RANBP17: variants seen among roughly 807,000 people sequenced by gnomAD.
The protein encoded by RANBP17 is RAN binding protein 17, also known as ran-binding protein 17.
A neutral mutation model predicts 141.2 loss-of-function variants in RANBP17; 158 were observed. The observed-to-expected ratio is 1.12, with a 90% CI of 0.98 to 1.28. RANBP17 has a LOEUF of 1.28. RANBP17 is among the 50% of genes most tolerant of loss of function. The pLI is 0.00. For synonymous variants in RANBP17, 430 were observed against 450.0 expected (o/e 0.96, Z 0.56); for missense variants, 1,438 against 1,290.7 (o/e 1.11, Z -1.75).
chr5:171,116,934 G>T (rs1330905144), intron 14 of RANBP17, among the ~76,000 whole-genome samples: 2 of 152,088 alleles, frequency 1.3e-5, no homozygotes, highest in African/African-American at 4.8e-5. Flanking sequence ...TTCTGTTTGG[G>T]CTTATTCCAC....
At chr5:171,156,273 A>C (rs1211533515) in intron 14 of RANBP17, among the ~76,000 whole-genome samples, 1 of 152,126 alleles carries the variant, frequency 6.6e-6, no homozygotes, top group Non-Finnish European at 1.5e-5. Flanking sequence ...AACTGCTAAA[A>C]TTATGATTTT....
At chr5:170,897,192 A>G in intron 5 of RANBP17, 1 of 723,012 alleles carries the variant, frequency 1.4e-6, no homozygotes, top group Non-Finnish European at 2.5e-6. Context: ...TCCGGAAATA[A>G]TTGGGCTGTG....
At chr5:171,101,122 G>A (rs570808938) in intron 14 of RANBP17, among the ~76,000 whole-genome samples, 3 of 152,300 alleles carry the variant, frequency 2.0e-5, no homozygotes, top group Admixed American at 2.0e-4. Flanking sequence ...AGGTCTGCAT[G>A]GTCCAGAGCT....
intron 14 of RANBP17, among the ~76,000 whole-genome samples, chr5:171,111,458 T>C (rs1755224958): frequency 6.6e-6 from 1 of 152,182 alleles, no homozygotes; most frequent in African/African-American, 2.4e-5. Context: ...ATCTACCTCT[T>C]AATGGGTTCC....
Position 170,886,790 on chromosome 5 carries a change from A to G in RANBP17, c.256+4894A>G, listed in dbSNP as rs1271229724. Among the ~76,000 whole-genome samples the G allele has an allele frequency of 4.0e-5, 6 of 150,192 alleles. No homozygotes were observed. The Admixed American group carries it at 4.0e-4, about 10-fold the overall frequency. On this transcript the variant is annotated intron_variant, in intron 3 of 27. Coordinates refer to ENST00000523189, the MANE Select transcript of RANBP17 (RefSeq NM_022897.5). ...ATCCTCCCACCTCAGCCTCCCAAGT[A>G]GTTGGGACTACAGATGTGACTACCA...
At position 171,241,123 on chromosome 5, in the gene RANBP17, T is replaced by C; in HGVS notation, c.2618T>C (p.Val873Ala). Residue 873 changes from valine to alanine, a missense_variant, in exon 23 of 28, where the codon GTG (valine) becomes GCG (alanine). Val to Ala is a moderately conservative substitution (Grantham distance 64). Transcript: ENST00000523189. ...GCTTTTGTCAAAATGCTGCTGTCAGTGTCCCACAGTGACTTGCTAGTAAGC... is the reference window on the plus strand; with the variant it reads ...GCTTTTGTCAAAATGCTGCTGTCAGCGTCCCACAGTGACTTGCTAGTAAGC... ...LQAFVKMLLS[V>A]SHSDLLQYRK... The C allele has an allele frequency of 6.2e-7, 1 of 1,613,004 alleles. No individual in the cohort carries two copies. Among genetic ancestry groups the C allele is most frequent in the Admixed American group, 1.7e-5 (1 of 59,974 alleles).
chr5:171,130,467 G>A (rs1326499921), intron 14 of RANBP17, among the ~76,000 whole-genome samples: 3 of 72,064 alleles, frequency 4.2e-5, no homozygotes, highest in African/African-American at 4.8e-5. Flanking sequence ...ACGGAGTTTC[G>A]CTCTTCTTGC....
At chr5:171,252,484 C>G in intron 24 of RANBP17, 2 of 1,452,972 alleles carry the variant, frequency 1.4e-6, no homozygotes, top group Non-Finnish European at 1.9e-6. Context: ...CACAGAAACC[C>G]TATGCAGTGA....
intron 14 of RANBP17, among the ~76,000 whole-genome samples, chr5:171,094,469 CATT>C (rs1786532617): frequency 1.3e-5 from 2 of 152,066 alleles, no homozygotes; most frequent in Non-Finnish European, 2.9e-5. Context: ...TCATTATTAT[CATT>C]GTTATTTTTA....
chr5:171,101,624 A>G (rs766229461), intron 14 of RANBP17, among the ~76,000 whole-genome samples: 64 of 152,280 alleles, frequency 4.2e-4, no homozygotes, highest in African/African-American at 1.1e-3. Flanking sequence ...ATGTGTGAAT[A>G]TGATCCTGTC....
chr5:170,971,375 A>G (rs1776975877), intron 14 of RANBP17, among the ~76,000 whole-genome samples: 1 of 152,202 alleles, frequency 6.6e-6, no homozygotes, highest in African/African-American at 2.4e-5. Flanking sequence ...CAAAAATGCT[A>G]TGAAAATAGC....
intron 14 of RANBP17, among the ~76,000 whole-genome samples, chr5:171,123,471 A>G (rs897302460): frequency 1.3e-5 from 2 of 152,326 alleles, no homozygotes; most frequent in Non-Finnish European, 2.9e-5. Context: ...TTGCCCTTCC[A>G]CTGCTACTGC....
chr5:171,232,997 C>T (rs143333199), intron 22 of RANBP17, among the ~76,000 whole-genome samples: 468 of 152,090 alleles, frequency 3.1e-3, no homozygotes, highest in Non-Finnish European at 5.3e-3. Flanking sequence ...GTTGCTGTTC[C>T]AGGTTCTTTG....
intron 22 of RANBP17, among the ~76,000 whole-genome samples, chr5:171,231,720 T>C (rs1424947001): frequency 2.6e-5 from 4 of 152,182 alleles, no homozygotes; most frequent in Non-Finnish European, 5.9e-5. Flanking sequence ...ATTTTTTTTC[T>C]TTTTCGGTTA....
chr5:171,102,487 A>G (rs1047335854), intron 14 of RANBP17, among the ~76,000 whole-genome samples: 9 of 152,126 alleles, frequency 5.9e-5, no homozygotes, highest in Admixed American at 3.3e-4. Context: ...CTAGTTAGCA[A>G]TTCCTCTAAC....
chr5:170,944,504 G>A (rs1246912662), intron 12 of RANBP17, among the ~76,000 whole-genome samples: 1 of 152,206 alleles, frequency 6.6e-6, no homozygotes, highest in Non-Finnish European at 1.5e-5. Flanking sequence ...ATGACCTGAA[G>A]TGATGTGCCT....
At chr5:170,909,862 TTTTAAAGAATTA>T in intron 6 of RANBP17, 97 bp downstream of exon 6, 1 of 701,218 alleles carries the variant, frequency 1.4e-6, no homozygotes, top group South Asian at 1.7e-5. Flanking sequence ...CAGTTTTGCC[TTTTAAAGAATTA>T]TTGTGGACAG....
intron 12 of RANBP17, among the ~76,000 whole-genome samples, chr5:170,932,585 C>T (rs1315591919): frequency 1.3e-5 from 2 of 152,054 alleles, no homozygotes; most frequent in Admixed American, 1.3e-4. Flanking sequence ...TATGTCCCAT[C>T]AATACCTAGT....
chr5:171,219,357 C>T (rs781083293), intron 21 of RANBP17, among the ~76,000 whole-genome samples: 1 of 152,076 alleles, frequency 6.6e-6, no homozygotes, highest in Non-Finnish European at 1.5e-5. Flanking sequence ...GAGAATCTGA[C>T]GATTATGTGT....
Sources: gnomAD v4.1 joint callset for allele counts (sites outside exome capture counted in the v4.1 genomes callset) on GRCh38, gnomAD v4.1.1 for gene constraint, MANE v1.5 for transcripts, NCBI Gene and HGNC (gene_info 2026-07-23, HGNC 2026-07-21) for gene names.